The following MAPKBP1 variants were observed in gnomAD, a reference collection of about 807,000 sequenced individuals.
MAPKBP1 encodes mitogen-activated protein kinase-binding protein 1.
A neutral mutation model predicts 170.5 loss-of-function variants in MAPKBP1; 71 were observed. That is an observed-to-expected ratio of 0.42 (90% CI 0.34 to 0.51). The LOEUF (loss-of-function observed/expected upper bound fraction) is 0.51. Ranked by LOEUF, MAPKBP1 falls within the 20% of genes least tolerant of loss-of-function variation. MAPKBP1 has a pLI of 0.06. For missense variants in MAPKBP1, 1,598 were observed against 1,933.0 expected (o/e 0.83, Z 3.25); for synonymous variants, 719 against 757.9 (o/e 0.95, Z 0.84).
rs773571136 is a variant in MAPKBP1, at chr15:41,819,554, G to GGGGA, written c.2426-38_2426-37insAGGG. On this transcript the variant is annotated intron_variant, in intron 21 of 30. Coordinates refer to ENST00000457542, the MANE Select transcript of MAPKBP1 (RefSeq NM_014994.3). ...GGCTCCAGGGTTGGGTGGCGGGGGG[G>GGGGA]GGGCAGGAGACACTTCCTCTGACTG... 41 of 1,495,204 alleles carry GGGGA rather than the reference G, an allele frequency of 2.7e-5. 1 individual carries two copies. Among genetic ancestry groups the GGGGA allele is most frequent in the Non-Finnish European group, 2.8e-5 (31 of 1,089,788 alleles). The allele number at this position is 1,495,204 out of a possible 1,614,324, so 92.6% of individuals were successfully genotyped here.
chr15:41,810,732 AAAAAAAAG>A, intron 3 of MAPKBP1, 143 bp from the exon 4 acceptor site: 2 of 610,216 alleles, frequency 3.3e-6, no homozygotes, highest in Non-Finnish European at 5.8e-6. Context: ...AAAAAAAAAA[AAAAAAAAG>A]AAAAGGAAAA....
At chr15:41,819,927 C>T (rs1341158787) in intron 22 of MAPKBP1, among the ~76,000 whole-genome samples, 3 of 152,190 alleles carry the variant, frequency 2.0e-5, no homozygotes, top group Non-Finnish European at 2.9e-5. Flanking sequence ...ACTTGTTCAG[C>T]TGCCTGGTGC....
Position 41,821,599 on chromosome 15 carries a change from C to G in MAPKBP1, c.2734C>G (p.Arg912Gly), listed in dbSNP as rs748058624. 3.1e-6 allele frequency: 5 copies of G among 1,613,548 alleles called. No homozygotes were observed. Among genetic ancestry groups the G allele is most frequent in the Non-Finnish European group, 4.2e-6 (5 of 1,179,916 alleles). ...SLTSQNEKPP[R>G]PQASQPCSYP... ...GTGTTCCCAGAATGAAAAGCCCCCT[C>G]GGCCTCAGGCTTCCCAACCTTGTTC... Residue 912 changes from arginine (R) to glycine (G), a missense_variant, in exon 24 of 31, where the codon CGG (arginine) becomes GGG (glycine). Arg to Gly is a moderately radical substitution (Grantham distance 125, BLOSUM62 -2). This residue lies in a region of MAPKBP1 where 942 missense variants were observed against 953.2 expected (regional missense o/e 0.99). Transcript: ENST00000457542.
At chr15:41,799,947 A>G (rs984821981) in intron 3 of MAPKBP1, 33 bp downstream of exon 3, 2 of 1,576,986 alleles carry the variant, frequency 1.3e-6, no homozygotes, top group Non-Finnish European at 1.7e-6. Flanking sequence ...ATCTTGATGC[A>G]TGGGAATTTA....
chr15:41,774,939 C>G, intron 1 of MAPKBP1: 1 of 482,030 alleles, frequency 2.1e-6, no homozygotes, highest in Non-Finnish European at 3.6e-6. Flanking sequence ...TCCCATCCAT[C>G]TCGCCAGTTA....
chr15:41,808,105 C>CTTTTTT (rs544983500), intron 3 of MAPKBP1, among the ~76,000 whole-genome samples: 42 of 109,458 alleles, frequency 3.8e-4, no homozygotes, highest in East Asian at 2.4e-3. Flanking sequence ...TTCTTTCTTT[C>CTTTTTT]TTTTTTTTTT....
chr15:41,780,161 A>G (rs924645008), intron 2 of MAPKBP1, among the ~76,000 whole-genome samples: 1 of 152,132 alleles, frequency 6.6e-6, no homozygotes. Context: ...CTGCTTTCCA[A>G]GTTTTTCTCT....
At chr15:41,798,781 C>T (rs972671140) in intron 2 of MAPKBP1, among the ~76,000 whole-genome samples, 10 of 152,158 alleles carry the variant, frequency 6.6e-5, no homozygotes, top group African/African-American at 2.2e-4. Flanking sequence ...TCCTCAGGTT[C>T]GGTGTTTTCA....
Position 41,813,083 on chromosome 15 carries a change from C to A in MAPKBP1, c.801C>A (p.Asp267Glu). Reference protein sequence around the residue: ...LCEFSDRRLLDKWVELRTTVA... With the variant: ...LCEFSDRRLLEKWVELRTTVA... ...AGTTCAGTGATCGAAGGCTTTTGGA[C>A]AAGTGGGTGGAGCTGAGGGTAAGTA... Residue 267 changes from aspartate to glutamate, a missense_variant, in exon 8 of 31, where the codon GAC (aspartate) becomes GAA (glutamate). This residue lies in a region of MAPKBP1 where 430 missense variants were observed against 617.2 expected (regional missense o/e 0.70). Coordinates refer to ENST00000457542, the MANE Select transcript of MAPKBP1 (RefSeq NM_014994.3). The A allele has an allele frequency of 6.2e-7, 1 of 1,607,194 alleles. No homozygotes were observed. The highest frequency in any genetic ancestry group is 8.5e-7 in the Non-Finnish European group (1 of 1,176,456).
chr15:41,821,999 C>A lies in MAPKBP1; in HGVS notation c.2920C>A (p.Leu974Met). ...AGTGCAGGCTCCAGCCCGGGGAACTCTGGGAAGAGTGTACCCAGGCAGCAG... is the reference window on the plus strand; with the variant it reads ...AGTGCAGGCTCCAGCCCGGGGAACTATGGGAAGAGTGTACCCAGGCAGCAG... ...FQVQAPARGT[L>M]GRVYPGSRSS... Residue 974 changes from leucine to methionine, a missense_variant, in exon 25 of 31, where the codon CTG becomes ATG. By Grantham distance (15) the Leu-to-Met change is conservative. Around this residue, in one of 6 missense-constraint regions of MAPKBP1, gnomAD observed 942 missense variants for 953.2 expected, o/e 0.99. Transcript: ENST00000457542. The A allele has an allele frequency of 6.2e-7, 1 of 1,610,658 alleles. No individual in the cohort carries two copies. Among genetic ancestry groups the A allele is most frequent in the African/African-American group, 1.3e-5 (1 of 74,962 alleles).
chr15:41,799,596 C>G (rs1355552415), intron 2 of MAPKBP1, among the ~76,000 whole-genome samples: 4 of 152,156 alleles, frequency 2.6e-5, no homozygotes, highest in African/African-American at 9.7e-5. Flanking sequence ...GTGGTACCAG[C>G]AGACTGAGCC....
chr15:41,821,922 C>A lies in MAPKBP1; in HGVS notation c.2886-43C>A, dbSNP rs199661010. On this transcript the variant is annotated intron_variant, in intron 24 of 30. Transcript: ENST00000457542. Reference sequence around the variant, plus strand: ...GGAGTCCAGCGGGGCTGCTGCCTACCCCTGCTCACTGCCTTTTCTTCTCCC... The same window carrying A: ...GGAGTCCAGCGGGGCTGCTGCCTACACCTGCTCACTGCCTTTTCTTCTCCC... 421 of 1,599,966 alleles carry A rather than the reference C, an allele frequency of 2.6e-4. 2 individuals carry two copies. In the East Asian group the frequency reaches 5.5e-3, roughly 21 times the overall value.
intron 3 of MAPKBP1, among the ~76,000 whole-genome samples, chr15:41,809,881 CG>C (rs1485424647): frequency 1.3e-5 from 2 of 152,312 alleles, no homozygotes; most frequent in East Asian, 3.9e-4. Flanking sequence ...TTCTGGCAGT[CG>C]GGGGGTTCTT....
chr15:41,811,275 A>C, intron 5 of MAPKBP1, 40 bp downstream of exon 5: 2 of 1,611,732 alleles, frequency 1.2e-6, no homozygotes, highest in Non-Finnish European at 1.7e-6. Context: ...TAAAGAGGGC[A>C]GGTGTCCTGG....
Position 41,821,718 on chromosome 15 carries a change from G to C in MAPKBP1, c.2853G>C (p.Pro951=). ...PAPIEDGIVY[P]EPSDNPTMDT... ...CCATTGAAGATGGTATTGTCTACCCGGAGCCGAGTGACAACCCCACCATGG... is the reference window on the plus strand; with the variant it reads ...CCATTGAAGATGGTATTGTCTACCCCGAGCCGAGTGACAACCCCACCATGG... Residue 951 remains proline, a synonymous_variant, in exon 24 of 31, where the codon CCG becomes CCC. Transcript: ENST00000457542. 1 of 1,614,028 alleles carries C rather than the reference G, an allele frequency of 6.2e-7. No homozygotes were observed. Among genetic ancestry groups the C allele is most frequent in the Non-Finnish European group, 8.5e-7 (1 of 1,179,994 alleles).
Position 41,799,914 on chromosome 15 carries a change from GGTAA to G in MAPKBP1, c.206+6_206+9del. 1 of 1,614,012 alleles carries G rather than the reference GGTAA, an allele frequency of 6.2e-7. No individual in the cohort carries two copies. The highest frequency in any genetic ancestry group is 8.5e-7 in the Non-Finnish European group (1 of 1,179,908). On this transcript the variant is annotated splice_donor_variant and splice_donor_region_variant and intron_variant, in intron 3 of 30. Coordinates refer to ENST00000457542, the MANE Select transcript of MAPKBP1 (RefSeq NM_014994.3). LOFTEE classifies it high-confidence loss of function. ...TCAGGTTTAGTTGCTTACCCAGCAG[GGTAA>G]GTAAGCGCCTTGGAAGAGATCTTGA...
chr15:41,776,124 T>C (rs186670324), intron 2 of MAPKBP1, among the ~76,000 whole-genome samples: 2 of 152,216 alleles, frequency 1.3e-5, no homozygotes, highest in Non-Finnish European at 2.9e-5. Flanking sequence ...ACCCCACAAC[T>C]TTGGGAATCC....
intron 30 of MAPKBP1, chr15:41,824,966 G>A: frequency 2.0e-6 from 1 of 493,942 alleles, no homozygotes; most frequent in Non-Finnish European, 3.6e-6. Flanking sequence ...AGCAGATTCT[G>A]CCGGAGTTGT....
At chr15:41,783,934 G>T (rs989323922) in intron 2 of MAPKBP1, among the ~76,000 whole-genome samples, 3 of 151,794 alleles carry the variant, frequency 2.0e-5, no homozygotes, top group African/African-American at 7.3e-5. Flanking sequence ...GCGTGAACCC[G>T]GGAGGCAGAG....
Sources: gnomAD v4.1 joint callset for allele counts (sites outside exome capture counted in the v4.1 genomes callset) on GRCh38, gnomAD v4.1.1 for gene constraint, gnomAD v4.1.1 regional missense constraint, MANE v1.5 for transcripts, NCBI Gene and HGNC (gene_info 2026-07-23, HGNC 2026-07-21) for gene names.